CD109: variants seen among roughly 807,000 people sequenced by gnomAD.
The protein encoded by CD109 is CD109 antigen.
In CD109, 149 loss-of-function variants were observed where a neutral mutation model predicts 165.8. That is an observed-to-expected ratio of 0.90 (90% CI 0.79 to 1.03). The LOEUF is 1.03. CD109 is among the 50% of genes least tolerant of loss of function. The pLI is 0.00. For synonymous variants in CD109, 585 were observed against 592.1 expected (o/e 0.99, Z 0.18); for missense variants, 1,712 against 1,677.8 (o/e 1.02, Z -0.36).
intron 15 of CD109, among the ~76,000 whole-genome samples, chr6:73,779,194 C>G (rs1243480764): frequency 6.6e-6 from 1 of 151,848 alleles, no homozygotes. Context: ...TGGCTTATTT[C>G]ACTTAGCACA....
chr6:73,762,704 A>G, intron 8 of CD109, 37 bp from the exon 9 acceptor site: 1 of 1,531,914 alleles, frequency 6.5e-7, no homozygotes, highest in Non-Finnish European at 8.9e-7. Flanking sequence ...TTGAATTGCT[A>G]AAATGGTAAA....
rs1456879526 is a variant in CD109 at position 73,783,910 on chromosome 6, TG to T, written c.2223+87del. The T allele has an allele frequency of 5.7e-6, 4 of 700,484 alleles. No individual in the cohort carries two copies. The African/African-American group carries it at 7.2e-5, about 13-fold the overall frequency. 43.4% of individuals were successfully genotyped at this position (700,484 alleles called of 1,614,324 possible). On this transcript the variant is annotated intron_variant, in intron 19 of 32. Transcript: ENST00000287097. ...CTCCTCAATTTTTTTTTTAAATGAC[TG>T]CTTATAATGTTTATCACAGTTTAGA...
At chr6:73,787,942 C>A (rs1178152895) in intron 21 of CD109, among the ~76,000 whole-genome samples, 1 of 152,174 alleles carries the variant, frequency 6.6e-6, no homozygotes, top group Non-Finnish European at 1.5e-5. Context: ...TAATCTCCCC[C>A]TCTTTGGATA....
chr6:73,771,711 A>T, intron 15 of CD109, 130 bp downstream of exon 15: 4 of 566,558 alleles, frequency 7.1e-6, no homozygotes, highest in Non-Finnish European at 8.5e-6. Context: ...TAATTAGTAA[A>T]GCTTCCAAAT....
At chr6:73,692,508 T>C (rs1770707947), upstream of CD109, among the ~76,000 whole-genome samples, 1 of 152,172 alleles carries the variant, frequency 6.6e-6, no homozygotes, top group Non-Finnish European at 1.5e-5. Flanking sequence ...CCTTCAAGTC[T>C]TTCTTCAGTG....
chr6:73,744,455 C>T (rs1772905842), intron 5 of CD109, among the ~76,000 whole-genome samples: 1 of 152,062 alleles, frequency 6.6e-6, no homozygotes, highest in East Asian at 1.9e-4. Context: ...TATATGGTTG[C>T]TGTATTTGAT....
chr6:73,737,339 A>G (rs1385285868), intron 5 of CD109, among the ~76,000 whole-genome samples: 2 of 152,220 alleles, frequency 1.3e-5, no homozygotes, highest in East Asian at 1.9e-4. Flanking sequence ...ATTGACCTGT[A>G]TGAATGAGAA....
At chr6:73,749,643 A>G (rs1336150672) in intron 5 of CD109, among the ~76,000 whole-genome samples, 1 of 152,234 alleles carries the variant, frequency 6.6e-6, no homozygotes, top group East Asian at 1.9e-4. Context: ...AGGACTTCTG[A>G]GGACAAAGGA....
intron 15 of CD109, among the ~76,000 whole-genome samples, 179 bp downstream of exon 15, chr6:73,771,760 A>T (rs1218753535): frequency 6.6e-6 from 1 of 152,240 alleles, no homozygotes; most frequent in Admixed American, 6.5e-5. Context: ...GTTGGAAAGA[A>T]GCTTATGTGG....
intron 30 of CD109, among the ~76,000 whole-genome samples, chr6:73,816,809 T>G (rs1291002423): frequency 2.0e-5 from 3 of 152,126 alleles, no homozygotes; most frequent in Non-Finnish European, 4.4e-5. Flanking sequence ...AGGGAGATTT[T>G]TACCTCTTAA....
At chr6:73,742,083 A>G (rs902687361) in intron 5 of CD109, among the ~76,000 whole-genome samples, 3 of 152,182 alleles carry the variant, frequency 2.0e-5, no homozygotes, top group African/African-American at 7.2e-5. Context: ...AAGTACATTA[A>G]TATTGTTGTG....
chr6:73,789,308 A>C (rs1386041102), intron 22 of CD109, among the ~76,000 whole-genome samples: 1 of 152,234 alleles, frequency 6.6e-6, no homozygotes, highest in Admixed American at 6.5e-5. Flanking sequence ...TTGGCAATTT[A>C]TAATTGTATA....
intron 11 of CD109, 85 bp from the exon 12 acceptor site, chr6:73,766,674 C>CTTTAATAATTGTTTGGTG (rs1223529606): frequency 5.2e-6 from 5 of 967,608 alleles, no homozygotes; most frequent in Non-Finnish European, 6.3e-6. Flanking sequence ...TGAATTTGGT[C>CTTTAATAATTGTTTGGTG]TTTAATAATT....
Position 73,782,642 on chromosome 6 carries a change from T to G in CD109, c.1992T>G (p.Phe664Leu), listed in dbSNP as rs1019787693. ...VYDNAEYAERFMEENEGHIVD... is the reference protein window; with the variant it reads ...VYDNAEYAERLMEENEGHIVD... Reference sequence around the variant, plus strand: ...ACAATGCAGAATATGCTGAGAGGTTTATGGAGGAAAATGAAGGACATATTG... The same window carrying G: ...ACAATGCAGAATATGCTGAGAGGTTGATGGAGGAAAATGAAGGACATATTG... Residue 664 changes from phenylalanine to leucine, a missense_variant, in exon 18 of 33, where the codon TTT becomes TTG. Phe to Leu is a conservative substitution (Grantham distance 22). Coordinates refer to ENST00000287097, the MANE Select transcript of CD109 (RefSeq NM_133493.5). The G allele has an allele frequency of 6.2e-7, 1 of 1,613,820 alleles. No individual in the cohort carries two copies. The highest frequency in any genetic ancestry group is 1.7e-5 in the Admixed American group (1 of 60,018).
the CD109 span, among the ~76,000 whole-genome samples, chr6:73,690,669 G>C: frequency 1.3e-5 from 2 of 152,196 alleles, no homozygotes; most frequent in African/African-American, 4.8e-5. Flanking sequence ...CCAAGTGCTG[G>C]GATTACAGGC....
At chr6:73,700,216 G>A (rs1377649480) in intron 2 of CD109, among the ~76,000 whole-genome samples, 2 of 151,962 alleles carry the variant, frequency 1.3e-5, no homozygotes, top group Non-Finnish European at 2.9e-5. Flanking sequence ...TGAATCAGCT[G>A]GGACTACAGG....
At position 73,785,381 on chromosome 6, in the gene CD109, A is replaced by G; in HGVS notation, c.2241A>G (p.Pro747=). 6.2e-7 allele frequency: 1 copy of G among 1,602,186 alleles called. No individual in the cohort carries two copies. Among genetic ancestry groups the G allele is most frequent in the South Asian group, 1.1e-5 (1 of 89,338 alleles). The change falls in exon 20 of 33, where the codon CCA becomes CCG. Residue 747 remains proline, a synonymous_variant. Coordinates refer to ENST00000287097, the MANE Select transcript of CD109 (RefSeq NM_133493.5). ...TTPVELQAFQ[P]FFIFLNLPYS... is the part of the protein sequence containing the mutation. ...CTTTCCAGCTCCAAGCCTTCCAACC[A>G]TTTTTCATTTTTTTGAATCTTCCCT...
At position 73,722,301 on chromosome 6, in the gene CD109, G is replaced by A. The variant is rs545299327; in HGVS notation, c.248-950G>A. Among the ~76,000 whole-genome samples, 27 of 152,226 alleles carry A rather than the reference G, an allele frequency of 1.8e-4. No individual in the cohort carries two copies. The East Asian group carries it at 4.6e-3, about 26-fold the overall frequency. On this transcript the variant is annotated intron_variant, in intron 2 of 32. Transcript: ENST00000287097. The stretch of plus-strand genomic sequence containing the variant: ...ATATGCTTTACAGGTATCAACATAC[G>A]TATTCCTTATAACCACCTCATGAGA...
intron 2 of CD109, among the ~76,000 whole-genome samples, chr6:73,716,701 T>C (rs568336004): frequency 6.6e-6 from 1 of 152,328 alleles, no homozygotes; most frequent in African/African-American, 2.4e-5. Context: ...AGATGAGTAG[T>C]TACAAAGATT....
Sources: gnomAD v4.1 joint callset for allele counts (sites outside exome capture counted in the v4.1 genomes callset) on GRCh38, gnomAD v4.1.1 for gene constraint, MANE v1.5 for transcripts, NCBI Gene and HGNC (gene_info 2026-07-23, HGNC 2026-07-21) for gene names.